Variants in MEI1 observed in about 807,000 individuals in gnomAD.
The protein encoded by MEI1 is meiotic double-stranded break formation protein 1, also known as meiosis inhibitor protein 1.
A neutral mutation model predicts 146.2 loss-of-function variants in MEI1; 103 were observed. The ratio of observed to expected loss-of-function variants is 0.70; its 90% CI spans 0.60 to 0.83. The LOEUF is 0.83. Among genes scored for constraint, MEI1 ranks in the 40% least tolerant of loss-of-function variants. MEI1 has a pLI of 0.00. For synonymous variants in MEI1, 652 were observed against 628.2 expected (o/e 1.04, Z -0.57); for missense variants, 1,529 against 1,533.0 (o/e 1.00, Z 0.04).
At position 41,735,499 on chromosome 22, in the gene MEI1, C is replaced by T. The variant is rs539606072; in HGVS notation, c.1331+2896C>T. On this transcript the variant is annotated intron_variant, in intron 11 of 30. Transcript: ENST00000401548. ...TCCCCCACCTTGGCCTTCCAAAGTG[C>T]TGGGATTACAGGCGTGAGCCACCGT... Among the ~76,000 whole-genome samples, 12 of 152,212 alleles carry T rather than the reference C, an allele frequency of 7.9e-5. No homozygotes were observed. The East Asian group carries it at 2.3e-3, about 29-fold the overall frequency.
intron 26 of MEI1, among the ~76,000 whole-genome samples, chr22:41,790,072 A>G (rs1569331877): frequency 6.6e-6 from 1 of 152,020 alleles, no homozygotes; most frequent in Non-Finnish European, 1.5e-5. Flanking sequence ...GTTTAAAACT[A>G]GTTTGTTTGT....
intron 16 of MEI1, chr22:41,753,654 T>G (rs187448969): frequency 1.0e-3 from 218 of 209,002 alleles, no homozygotes; most frequent in African/African-American, 4.7e-3. Context: ...TAATTTTGTA[T>G]TTTTAGTAGA....
rs376107736 is a variant in MEI1, at chr22:41,718,236, A to T, written c.695A>T (p.Asp232Val). 6.2e-7 allele frequency: 1 copy of T among 1,613,870 alleles called. No homozygotes were observed. Among genetic ancestry groups the T allele is most frequent in the Non-Finnish European group, 8.5e-7 (1 of 1,179,896 alleles). The part of the protein sequence containing the change: ...KLFPLFLSIL[D>V]GAQTKELQIN... Reference sequence around the variant, plus strand: ...TTTCCCCTCTTCCTTTCCATCCTGGATGGTGCCCAGACAAAGGAGCTGCAG... The same window carrying T: ...TTTCCCCTCTTCCTTTCCATCCTGGTTGGTGCCCAGACAAAGGAGCTGCAG... Residue 232 changes from aspartate (D) to valine (V), a missense_variant, in exon 6 of 31, where the codon GAT (aspartate) becomes GTT (valine). Asp to Val is a radical substitution (Grantham distance 152). This residue lies in a region of MEI1 where 1,212 missense variants were observed against 1,178.9 expected (regional missense o/e 1.03). Coordinates refer to ENST00000401548, the MANE Select transcript of MEI1 (RefSeq NM_152513.4).
At chr22:41,752,689 G>GC (rs1407632288) in intron 16 of MEI1, 38 bp downstream of exon 16, 1 of 1,542,748 alleles carries the variant, frequency 6.5e-7, no homozygotes, top group Non-Finnish European at 8.8e-7. Flanking sequence ...TGGCCAAGGG[G>GC]CCAATGTCCC....
chr22:41,777,226 G>C (rs1340436974), intron 21 of MEI1, among the ~76,000 whole-genome samples: 1 of 151,632 alleles, frequency 6.6e-6, no homozygotes, highest in Non-Finnish European at 1.5e-5. Flanking sequence ...CGTGATCTCG[G>C]CTCACTGCAA....
chr22:41,782,108 T>C (rs1486967713), intron 24 of MEI1, among the ~76,000 whole-genome samples: 2 of 152,170 alleles, frequency 1.3e-5, no homozygotes, highest in Admixed American at 1.3e-4. Context: ...GAATAAAAAA[T>C]GAATATAGCA....
At chr22:41,780,581 C>CTTTT (rs1245310767) in intron 22 of MEI1, among the ~76,000 whole-genome samples, 2 of 134,318 alleles carry the variant, frequency 1.5e-5, no homozygotes, top group African/African-American at 2.9e-5. Context: ...TTTTTCTTTT[C>CTTTT]TTTTTTTTTT....
At chr22:41,705,601 C>G in intron 3 of MEI1, 47 bp downstream of exon 3, 1 of 1,533,834 alleles carries the variant, frequency 6.5e-7, no homozygotes, top group Non-Finnish European at 9.0e-7. Flanking sequence ...AAGTATTAGT[C>G]TGAATTGCAG....
At chr22:41,717,345 T>C (rs190753868) in intron 5 of MEI1, among the ~76,000 whole-genome samples, 11 of 152,242 alleles carry the variant, frequency 7.2e-5, no homozygotes, top group African/African-American at 2.6e-4. Flanking sequence ...GTATTTTTAG[T>C]AGAGGTGGGG....
At chr22:41,717,791 T>G (rs1052560659) in intron 5 of MEI1, among the ~76,000 whole-genome samples, 8 of 152,024 alleles carry the variant, frequency 5.3e-5, no homozygotes, top group African/African-American at 1.9e-4. Context: ...AATTTTTGTA[T>G]TTTTAGTAGA....
intron 6 of MEI1, chr22:41,722,077 C>T (rs905506771): frequency 4.6e-5 from 7 of 150,970 alleles, no homozygotes; most frequent in Admixed American, 2.0e-4. Flanking sequence ...TTGTCAGACC[C>T]GAGGGCCTCT....
At chr22:41,703,549 G>A (rs2068866648) in intron 2 of MEI1, 95 bp downstream of exon 2, 3 of 1,197,284 alleles carry the variant, frequency 2.5e-6, no homozygotes, top group East Asian at 2.9e-5. Flanking sequence ...GATGATTTAG[G>A]TTTTTTGTAT....
At chr22:41,712,707 AAT>A (rs980837611) in intron 3 of MEI1, among the ~76,000 whole-genome samples, 21 of 109,598 alleles carry the variant, frequency 1.9e-4, no homozygotes, top group Admixed American at 8.7e-4. Context: ...TGTGTGGAGC[AAT>A]ATATATATAT....
At chr22:41,733,428 G>A (rs2072041408) in intron 11 of MEI1, among the ~76,000 whole-genome samples, 1 of 151,736 alleles carries the variant, frequency 6.6e-6, no homozygotes, top group Non-Finnish European at 1.5e-5. Flanking sequence ...CAGCCTGGGT[G>A]ACAGAGTGAG....
At chr22:41,791,516 C>A (rs2076181960) in intron 26 of MEI1, among the ~76,000 whole-genome samples, 1 of 152,038 alleles carries the variant, frequency 6.6e-6, no homozygotes, top group African/African-American at 2.4e-5. Flanking sequence ...CCCTCTCAGC[C>A]ACAGTGGGAA....
At chr22:41,710,318 A>G (rs1044394845) in intron 3 of MEI1, among the ~76,000 whole-genome samples, 3 of 152,160 alleles carry the variant, frequency 2.0e-5, no homozygotes, top group Non-Finnish European at 2.9e-5. Context: ...TGTTTAAGCC[A>G]TCCAGTCTGT....
intron 6 of MEI1, among the ~76,000 whole-genome samples, chr22:41,722,362 T>A (rs1007164879): frequency 1.3e-5 from 2 of 152,046 alleles, no homozygotes; most frequent in Non-Finnish European, 2.9e-5. Flanking sequence ...CAGTAGCATG[T>A]TCATAGCTCA....
intron 17 of MEI1, among the ~76,000 whole-genome samples, chr22:41,757,974 G>A (rs1348799764): frequency 1.3e-5 from 2 of 152,100 alleles, no homozygotes; most frequent in African/African-American, 2.4e-5. Context: ...TGGGCGTGGT[G>A]GTGGGTGCCT....
chr22:41,700,758 T>A (rs1440068442), intron 1 of MEI1, among the ~76,000 whole-genome samples: 22 of 20,028 alleles, frequency 1.1e-3, no homozygotes, highest in African/African-American at 1.3e-3. Flanking sequence ...AATTTTTTTT[T>A]TTTTTTTTTT....
Sources: allele counts gnomAD v4.1 joint callset (sites outside exome capture counted in the v4.1 genomes callset), GRCh38; gene constraint gnomAD v4.1.1; regional missense constraint gnomAD v4.1.1; transcripts MANE v1.5; gene names NCBI Gene and HGNC (gene_info 2026-07-23, HGNC 2026-07-21).